KCNH7: variants seen among roughly 807,000 people sequenced by gnomAD.
The protein encoded by KCNH7 is potassium voltage-gated channel subfamily H member 7, also known as voltage-gated inwardly rectifying potassium channel KCNH7.
Under a neutral mutation model 120.8 loss-of-function variants are expected in KCNH7, and 49 were observed. The observed-to-expected ratio is 0.41, with a 90% CI of 0.32 to 0.51. The LOEUF (loss-of-function observed/expected upper bound fraction) is 0.51. KCNH7 is among the 20% of genes least tolerant of loss of function. KCNH7 has a pLI of 0.38. For synonymous variants in KCNH7, 547 were observed against 516.1 expected, an observed-to-expected ratio of 1.06 and a Z score of -0.81; for missense variants, 1,097 against 1,446.6, an observed-to-expected ratio of 0.76 and a Z score of 3.92.
At chr2:162,791,297 G>GT (rs1048116252) in intron 2 of KCNH7, among the ~76,000 whole-genome samples, 1 of 151,826 alleles carries the variant, frequency 6.6e-6, no homozygotes, top group East Asian at 1.9e-4. Flanking sequence ...TTAAAAATAG[G>GT]TTTTTTTTCC....
chr2:162,752,045 A>G (rs1047021778), intron 2 of KCNH7, among the ~76,000 whole-genome samples: 3 of 152,188 alleles, frequency 2.0e-5, no homozygotes, highest in Non-Finnish European at 4.4e-5. Flanking sequence ...TTTTTTAAAA[A>G]TACAAGGCAG....
intron 2 of KCNH7, among the ~76,000 whole-genome samples, chr2:162,705,857 T>A (rs1367424222): frequency 6.6e-6 from 1 of 152,104 alleles, no homozygotes; most frequent in Non-Finnish European, 1.5e-5. Flanking sequence ...AAAAATGACT[T>A]AAAAATTAAG....
chr2:162,643,680 C>G (rs908665187), intron 2 of KCNH7, among the ~76,000 whole-genome samples: 1 of 151,770 alleles, frequency 6.6e-6, no homozygotes, highest in Non-Finnish European at 1.5e-5. Context: ...GCGGCGCACA[C>G]CTGTAGTCCC....
chr2:162,638,960 C>A (rs544338640), intron 2 of KCNH7, among the ~76,000 whole-genome samples: 20 of 152,206 alleles, frequency 1.3e-4, no homozygotes, highest in African/African-American at 4.6e-4. Flanking sequence ...ATCATTTGAA[C>A]CTTACTCATA....
chr2:162,381,505 C>T (rs1000038908), intron 13 of KCNH7, among the ~76,000 whole-genome samples: 1 of 152,156 alleles, frequency 6.6e-6, no homozygotes, highest in Non-Finnish European at 1.5e-5. Context: ...TATCTTTTAA[C>T]ATTGAACATA....
intron 9 of KCNH7, among the ~76,000 whole-genome samples, chr2:162,420,243 G>A (rs1392833205): frequency 6.6e-6 from 1 of 152,102 alleles, no homozygotes; most frequent in Non-Finnish European, 1.5e-5. Context: ...AGGCGTGGTG[G>A]CATGTGCCTC....
At chr2:162,530,902 C>T (rs1440773152) in intron 3 of KCNH7, among the ~76,000 whole-genome samples, 2 of 151,818 alleles carry the variant, frequency 1.3e-5, no homozygotes, top group African/African-American at 4.8e-5. Flanking sequence ...CATAATTTGT[C>T]TTTCTTTAAC....
chr2:162,559,445 C>A (rs1288110485), intron 2 of KCNH7, among the ~76,000 whole-genome samples: 1 of 152,272 alleles, frequency 6.6e-6, no homozygotes, highest in East Asian at 1.9e-4. Context: ...CAAATGACCT[C>A]AAGGTCTACT....
At chr2:162,466,283 C>T (rs6745775) in intron 6 of KCNH7, among the ~76,000 whole-genome samples, 11,226 of 152,048 alleles carry the variant, frequency 0.074, 1,320 homozygotes, top group African/African-American at 0.25. Flanking sequence ...TATAAAGAAC[C>T]GCCCAAGACT....
At chr2:162,440,689 A>G (rs1339053192) in intron 7 of KCNH7, among the ~76,000 whole-genome samples, 1 of 152,070 alleles carries the variant, frequency 6.6e-6, no homozygotes, top group Non-Finnish European at 1.5e-5. Context: ...TATGGCTTTT[A>G]AAGAGGAGAT....
At chr2:162,632,995 CTT>C (rs1272330423) in intron 2 of KCNH7, among the ~76,000 whole-genome samples, 1 of 151,690 alleles carries the variant, frequency 6.6e-6, no homozygotes, top group Non-Finnish European at 1.5e-5. Context: ...AAATGAAAGA[CTT>C]TTCCAAAATA....
At chr2:162,702,779 A>G (rs772646280) in intron 2 of KCNH7, among the ~76,000 whole-genome samples, 2 of 152,080 alleles carry the variant, frequency 1.3e-5, no homozygotes. Flanking sequence ...TTATCAAGTG[A>G]GTTTCTATTT....
At chr2:162,815,739 A>G (rs1175617639) in intron 2 of KCNH7, among the ~76,000 whole-genome samples, 1 of 152,238 alleles carries the variant, frequency 6.6e-6, no homozygotes, top group Non-Finnish European at 1.5e-5. Flanking sequence ...GTATTTATAA[A>G]TACAACCAGT....
At chr2:162,572,091 C>T (rs1183237834) in intron 2 of KCNH7, among the ~76,000 whole-genome samples, 1 of 152,000 alleles carries the variant, frequency 6.6e-6, no homozygotes, top group Non-Finnish European at 1.5e-5. Context: ...AAAGAAACTA[C>T]CATCAGGGTG....
At chr2:162,431,189 T>A (rs1688053368) in intron 8 of KCNH7, among the ~76,000 whole-genome samples, 1 of 152,086 alleles carries the variant, frequency 6.6e-6, no homozygotes, top group Non-Finnish European at 1.5e-5. Context: ...AGAAGGCTGA[T>A]TGCCTTGTTT....
intron 12 of KCNH7, among the ~76,000 whole-genome samples, chr2:162,389,645 T>G (rs1447359399): frequency 6.6e-6 from 1 of 152,038 alleles, no homozygotes; most frequent in Non-Finnish European, 1.5e-5. Context: ...AGGATTTCTC[T>G]TAAAATGTAT....
chr2:162,717,372 T>A (rs1056704033), intron 2 of KCNH7, among the ~76,000 whole-genome samples: 3 of 152,228 alleles, frequency 2.0e-5, no homozygotes, highest in Admixed American at 1.3e-4. Context: ...AAAGCTAGCA[T>A]GTAGATCCAA....
intron 2 of KCNH7, among the ~76,000 whole-genome samples, chr2:162,774,665 A>G (rs1008313707): frequency 9.2e-5 from 14 of 152,192 alleles, no homozygotes; most frequent in African/African-American, 3.4e-4. Flanking sequence ...AATTCAGTGG[A>G]AGAATATTGC....
intron 11 of KCNH7, among the ~76,000 whole-genome samples, chr2:162,396,085 T>C (rs1686905834): frequency 6.6e-6 from 1 of 151,698 alleles, no homozygotes; most frequent in East Asian, 1.9e-4. Context: ...CAGTAATAGC[T>C]CATAAGGGCA....
Sources: gnomAD v4.1 joint callset for allele counts (sites outside exome capture counted in the v4.1 genomes callset) on GRCh38, gnomAD v4.1.1 for gene constraint, MANE v1.5 for transcripts, NCBI Gene and HGNC (gene_info 2026-07-23, HGNC 2026-07-21) for gene names.